EBAG9: variants seen among roughly 807,000 people sequenced by gnomAD.
EBAG9 encodes the protein receptor-binding cancer antigen expressed on SiSo cells.
A neutral mutation model predicts 30.9 loss-of-function variants in EBAG9; 16 were observed. That is an observed-to-expected ratio of 0.52 (90% CI 0.35 to 0.79). The LOEUF is 0.79. EBAG9 is among the 30% of genes least tolerant of loss of function. EBAG9 has a pLI of 0.01. For missense variants in EBAG9, 197 were observed against 242.1 expected (o/e 0.81, Z 1.24); for synonymous variants, 93 against 82.8 (o/e 1.12, Z -0.67).
chr8:109,557,972 A>G (rs1017599006), intron 5 of EBAG9: 9 of 194,120 alleles, frequency 4.6e-5, no homozygotes, highest in African/African-American at 1.9e-4. Flanking sequence ...TGACACCACA[A>G]TGCCTTTTTG....
intron 5 of EBAG9, among the ~76,000 whole-genome samples, chr8:109,558,695 A>G (rs768711302): frequency 4.6e-5 from 7 of 152,146 alleles, no homozygotes; most frequent in Admixed American, 3.3e-4. Context: ...GGGGCATTGC[A>G]TAGGAGAGGA....
At chr8:109,544,287 C>T (rs1821339801) in intron 1 of EBAG9, among the ~76,000 whole-genome samples, 1 of 151,908 alleles carries the variant, frequency 6.6e-6, no homozygotes, top group Non-Finnish European at 1.5e-5. Context: ...AAATATACTG[C>T]TTGTGCTTTT....
At chr8:109,547,112 G>A (rs534210975) in intron 1 of EBAG9, among the ~76,000 whole-genome samples, 3 of 151,942 alleles carry the variant, frequency 2.0e-5, no homozygotes, top group Non-Finnish European at 4.4e-5. Context: ...TGCAACCTCC[G>A]CATCCTGCAT....
intron 6 of EBAG9, chr8:109,563,571 A>G (rs1248833546): frequency 6.6e-7 from 1 of 1,516,368 alleles, no homozygotes; most frequent in Non-Finnish European, 8.7e-7. Context: ...GTAAATACCT[A>G]CCACTCTTTT....
intron 1 of EBAG9, among the ~76,000 whole-genome samples, chr8:109,545,585 G>C (rs967608688): frequency 2.0e-5 from 3 of 151,850 alleles, no homozygotes; most frequent in South Asian, 2.1e-4. Context: ...GGCTGGTCTC[G>C]AACTCCTGAC....
At chr8:109,547,541 C>T (rs1184803970) in intron 1 of EBAG9, among the ~76,000 whole-genome samples, 2 of 150,788 alleles carry the variant, frequency 1.3e-5, no homozygotes, top group East Asian at 1.9e-4. Context: ...AGTGCAGTGG[C>T]GTGATCTCGG....
chr8:109,540,707 C>G (rs1291233261), intron 1 of EBAG9: 1 of 152,094 alleles, frequency 6.6e-6, no homozygotes, highest in Non-Finnish European at 1.5e-5. Context: ...CTGCTCAAAC[C>G]TTTATTTATC....
At position 109,565,634 on chromosome 8, in the gene EBAG9, T is replaced by TA. The variant is rs1821812096; in HGVS notation, c.*1077dup. 6.6e-6 allele frequency: 1 copy of TA among 152,072 alleles called. No individual in the cohort carries two copies. Among genetic ancestry groups the TA allele is most frequent in the Admixed American group, 6.6e-5 (1 of 15,258 alleles). The allele number at this position is 152,072 out of a possible 1,614,324, so 9.4% of individuals were successfully genotyped here. A position where few individuals can be genotyped will look rare whatever the true frequency, so the allele number is the denominator to read the frequency against. ...TAGACTTCATAGTTTAAAATCCCAT[T>TA]AACCTTTTCACCGCAGTTGAAATGC... On this transcript the variant is annotated 3_prime_UTR_variant, in exon 7 of 7. Transcript: ENST00000337573.
chr8:109,563,576 TC>T, intron 6 of EBAG9: 3 of 1,456,902 alleles, frequency 2.1e-6, no homozygotes, highest in Non-Finnish European at 1.8e-6. Flanking sequence ...TACCTACCAC[TC>T]TTTTTTTTTT....
Position 109,550,756 on chromosome 8 carries a change from G to T in EBAG9, c.-15-54G>T. The T allele has an allele frequency of 8.7e-6, 9 of 1,030,224 alleles. No homozygotes were observed. The South Asian group carries it at 1.2e-4, about 14-fold the overall frequency. The allele number at this position is 1,030,224 out of a possible 1,614,324, so 63.8% of individuals were successfully genotyped here. On this transcript the variant is annotated intron_variant, in intron 1 of 6. Transcript: ENST00000337573. ...CATAATAGGTCTTTTCAGGACAGGA[G>T]TATGACTTTTGAAATCAATTTAATG...
chr8:109,563,528 A>G (rs1821749895), intron 6 of EBAG9: 2 of 1,596,112 alleles, frequency 1.3e-6, no homozygotes, highest in Admixed American at 3.4e-5. Context: ...GGAAAGAGTA[A>G]GGAACAGGTA....
chr8:109,541,622 C>G (rs1821277887), intron 1 of EBAG9, among the ~76,000 whole-genome samples: 1 of 152,050 alleles, frequency 6.6e-6, no homozygotes, highest in African/African-American at 2.4e-5. Flanking sequence ...CTATAAATAC[C>G]AGAATGAGCA....
Position 109,556,970 on chromosome 8 carries a change from C to T in EBAG9, c.357C>T (p.Gly119=). 6 of 1,599,850 alleles carry T rather than the reference C, an allele frequency of 3.8e-6. No homozygotes were observed. Among genetic ancestry groups the T allele is most frequent in the Non-Finnish European group, 5.1e-6 (6 of 1,172,394 alleles). Residue 119 remains glycine, a synonymous_variant, in exon 5 of 7, where the codon GGC becomes GGT. Coordinates refer to ENST00000337573, the MANE Select transcript of EBAG9 (RefSeq NM_004215.5). ...VIKKREPLNF[G]IPDGSTGFSS... is the part of the protein sequence containing the mutation. ...AGAAGAGAGAACCATTGAATTTTGGCATCCCAGATGGGAGCACAGGTTTCT... is the reference window on the plus strand; with the variant it reads ...AGAAGAGAGAACCATTGAATTTTGGTATCCCAGATGGGAGCACAGGTTTCT...
chr8:109,552,752 G>A (rs1821518818), intron 2 of EBAG9, among the ~76,000 whole-genome samples: 1 of 152,042 alleles, frequency 6.6e-6, no homozygotes, highest in African/African-American at 2.4e-5. Flanking sequence ...CCATATGTTA[G>A]GATAAGCTTC....
intron 1 of EBAG9, chr8:109,540,777 C>T (rs1821257373): frequency 6.6e-6 from 1 of 152,168 alleles, no homozygotes; most frequent in Non-Finnish European, 1.5e-5. Flanking sequence ...TTCTAACCCA[C>T]TTCAGAGAGT....
chr8:109,560,070 TTAAA>T lies in EBAG9; in HGVS notation c.430-762_430-759del, dbSNP rs1338998074. Among the ~76,000 whole-genome samples, 4 of 152,326 alleles carry T rather than the reference TTAAA, an allele frequency of 2.6e-5. No homozygotes were observed. In the East Asian group the frequency reaches 7.7e-4, roughly 29 times the overall value. On this transcript the variant is annotated intron_variant, in intron 5 of 6. Coordinates refer to ENST00000337573, the MANE Select transcript of EBAG9 (RefSeq NM_004215.5). Reference sequence around the variant, plus strand: ...GGTAAGTATTTAAAACAATATGATATTAAATAAATGTGTTCACAGATTGGTACCA... The same window carrying T: ...GGTAAGTATTTAAAACAATATGATATTAAATGTGTTCACAGATTGGTACCA...
chr8:109,551,046 A>G, intron 2 of EBAG9, 139 bp downstream of exon 2: 1 of 582,948 alleles, frequency 1.7e-6, no homozygotes, highest in Non-Finnish European at 3.0e-6. Context: ...ATTAATTCCT[A>G]GTCATTTTTA....
Position 109,540,976 on chromosome 8 carries a change from G to C in EBAG9, c.-16+515G>C, listed in dbSNP as rs374773882. On this transcript the variant is annotated intron_variant, in intron 1 of 6. Coordinates refer to ENST00000337573, the MANE Select transcript of EBAG9 (RefSeq NM_004215.5). ...TTGAAAGGACCTCTAGCAGTTTACC[G>C]AGAATTTCAACAAGAAAAGATATAA... Among the ~76,000 whole-genome samples, 18 of 152,092 alleles carry C rather than the reference G, an allele frequency of 1.2e-4. No individual in the cohort carries two copies. The East Asian group carries it at 2.5e-3, about 21-fold the overall frequency.
intron 6 of EBAG9, chr8:109,563,535 G>C (rs1319005644): frequency 1.2e-5 from 19 of 1,591,212 alleles, no homozygotes; most frequent in Non-Finnish European, 1.6e-5. Flanking sequence ...GTAAGGAACA[G>C]GTATGTATTT....
Sources: gnomAD v4.1 joint callset for allele counts (sites outside exome capture counted in the v4.1 genomes callset) on GRCh38, gnomAD v4.1.1 for gene constraint, MANE v1.5 for transcripts, NCBI Gene and HGNC (gene_info 2026-07-23, HGNC 2026-07-21) for gene names.